The following NKD2 variants were observed in gnomAD, a reference collection of about 807,000 sequenced individuals.
NKD2 encodes the protein protein naked cuticle homolog 2.
A neutral mutation model predicts 34.8 loss-of-function variants in NKD2; 43 were observed. The ratio of observed to expected loss-of-function variants is 1.24; its 90% CI spans 0.97 to 1.60. The LOEUF (loss-of-function observed/expected upper bound fraction) is 1.60, where lower values mean the gene tolerates loss of function less well. Ranked by LOEUF, NKD2 falls within the 40% of genes most tolerant of loss-of-function variation. The pLI is 0.00. For synonymous variants in NKD2, 278 were observed against 265.1 expected, an observed-to-expected ratio of 1.05 and a Z score of -0.47; for missense variants, 675 against 627.1, an observed-to-expected ratio of 1.08 and a Z score of -0.82.
chr5:1,029,328 C>T, intron 3 of NKD2, among the ~76,000 whole-genome samples: 1 of 152,166 alleles, frequency 6.6e-6, no homozygotes, highest in East Asian at 1.9e-4. Context: ...GTAGTATTGG[C>T]TGGTTGATAC....
intron 3 of NKD2, among the ~76,000 whole-genome samples, 153 bp from the exon 4 acceptor site, chr5:1,031,999 C>T (rs995001497): frequency 7.9e-5 from 12 of 152,146 alleles, no homozygotes; most frequent in Admixed American, 4.6e-4. Context: ...GAGTGGGGCA[C>T]GAAGGGTTGG....
chr5:1,035,388 G>T lies in NKD2; in HGVS notation c.575-1G>T. The T allele has an allele frequency of 1.3e-6, 2 of 1,556,432 alleles. No individual in the cohort carries two copies. The highest frequency in any genetic ancestry group is 2.4e-5 in the South Asian group (2 of 84,314). On this transcript the variant is annotated splice_acceptor_variant, in intron 7 of 9. Coordinates refer to ENST00000296849, the MANE Select transcript of NKD2 (RefSeq NM_033120.4). LOFTEE classifies it high-confidence loss of function. Reference sequence around the variant, plus strand: ...GAGTAATGGCAGGACCCCCCTTTCAGACCGGGAGCCCACCCGTTGCAGGAT... The same window carrying T: ...GAGTAATGGCAGGACCCCCCTTTCATACCGGGAGCCCACCCGTTGCAGGAT...
At chr5:1,037,517 C>T (rs1734046331) in intron 9 of NKD2, 2 of 1,534,146 alleles carry the variant, frequency 1.3e-6, no homozygotes, top group African/African-American at 1.4e-5. Flanking sequence ...GCGCCCCAAG[C>T]AGGGTCTCAG....
intron 3 of NKD2, among the ~76,000 whole-genome samples, chr5:1,018,176 G>A (rs1199795332): frequency 6.6e-6 from 1 of 152,168 alleles, no homozygotes; most frequent in South Asian, 2.1e-4. Context: ...AAGGAGCCAC[G>A]GGCACAGCCT....
intron 4 of NKD2, among the ~76,000 whole-genome samples, chr5:1,032,732 CA>C (rs1302106055): frequency 1.3e-5 from 2 of 152,232 alleles, no homozygotes; most frequent in Non-Finnish European, 2.9e-5. Context: ...CCAAGAGAGG[CA>C]CCCACACCCC....
chr5:1,014,981 G>C (rs987779249), intron 3 of NKD2, among the ~76,000 whole-genome samples: 1 of 152,214 alleles, frequency 6.6e-6, no homozygotes, highest in African/African-American at 2.4e-5. Flanking sequence ...CTCACAGCCT[G>C]GCCACATCCC....
intron 3 of NKD2, among the ~76,000 whole-genome samples, chr5:1,027,825 C>T (rs1756482316): frequency 6.6e-6 from 1 of 152,206 alleles, no homozygotes; most frequent in African/African-American, 2.4e-5. Flanking sequence ...CACCTGTCCA[C>T]TGGGAAGAGG....
At chr5:1,031,571 C>A (rs1756646779) in intron 3 of NKD2, among the ~76,000 whole-genome samples, 2 of 151,966 alleles carry the variant, frequency 1.3e-5, no homozygotes, top group Admixed American at 1.3e-4. Flanking sequence ...GACCACAGGT[C>A]TGTCTCCTTC....
intron 5 of NKD2, 110 bp downstream of exon 5, chr5:1,033,609 T>G (rs2150747552): frequency 1.5e-6 from 2 of 1,293,650 alleles, no homozygotes; most frequent in East Asian, 5.2e-5. Context: ...CGTAGTTCAC[T>G]CAGTCTTCCC....
At chr5:1,017,434 G>A (rs80172998) in intron 3 of NKD2, among the ~76,000 whole-genome samples, 4,719 of 152,340 alleles carry the variant, frequency 0.031, 181 homozygotes, top group African/African-American at 0.094. Context: ...CATTTCAGTG[G>A]CCCTGATTTT....
At chr5:1,012,237 C>T (rs1368089050) in intron 3 of NKD2, among the ~76,000 whole-genome samples, 8 of 152,276 alleles carry the variant, frequency 5.3e-5, no homozygotes, top group Non-Finnish European at 1.0e-4. Context: ...GTGAATGGAG[C>T]ACAGGCTTCC....
rs543105454 is a variant in NKD2 at position 1,038,787 on chromosome 5, G to A, written c.*414G>A. ...AGGCTGTCCCAGTGCGAGGCCGGGAGCGAATGGAAAAGCTGAGGCTTTGCC... is the reference window on the plus strand; with the variant it reads ...AGGCTGTCCCAGTGCGAGGCCGGGAACGAATGGAAAAGCTGAGGCTTTGCC... On this transcript the variant is annotated 3_prime_UTR_variant, in exon 10 of 10. Coordinates refer to ENST00000296849, the MANE Select transcript of NKD2 (RefSeq NM_033120.4). The surrounding 1 kb of genome is among the most constrained non-coding windows in gnomAD (Gnocchi z 4.5). 4.8e-4 allele frequency: 190 copies of A among 395,908 alleles called. 1 individual carries two copies. Among genetic ancestry groups the A allele is most frequent in the African/African-American group, 3.4e-3 (169 of 49,082 alleles). The allele number at this position is 395,908 out of a possible 1,614,324, so 24.5% of individuals were successfully genotyped here. A position where few individuals can be genotyped will look rare whatever the true frequency, so the allele number is the denominator to read the frequency against.
chr5:1,013,567 G>T (rs1003187019), intron 3 of NKD2, among the ~76,000 whole-genome samples: 3 of 152,240 alleles, frequency 2.0e-5, no homozygotes, highest in African/African-American at 4.8e-5. Flanking sequence ...CCATAGGACG[G>T]GTTGGATACC....
intron 3 of NKD2, among the ~76,000 whole-genome samples, chr5:1,018,024 C>T (rs2150730721): frequency 6.6e-6 from 1 of 152,112 alleles, no homozygotes; most frequent in Admixed American, 6.5e-5. Context: ...GCGTGGCCCC[C>T]CAGAGGCTTC....
intron 3 of NKD2, among the ~76,000 whole-genome samples, chr5:1,010,295 G>A (rs560120208): frequency 3.3e-4 from 50 of 152,346 alleles, no homozygotes; most frequent in African/African-American, 1.2e-3. Flanking sequence ...ATCAGTGTCA[G>A]TGTGAACTGT....
intron 3 of NKD2, among the ~76,000 whole-genome samples, chr5:1,027,073 G>A (rs1560992273): frequency 6.6e-6 from 1 of 152,254 alleles, no homozygotes; most frequent in Non-Finnish European, 1.5e-5. Context: ...TGTCACCCCG[G>A]CCCTTCTTTC....
chr5:1,010,865 A>G (rs553475967), intron 3 of NKD2, among the ~76,000 whole-genome samples: 185 of 152,336 alleles, frequency 1.2e-3, no homozygotes, highest in African/African-American at 3.8e-3. Context: ...CCATTGGCCC[A>G]CTGGCCTGGA....
At chr5:1,034,517 A>G (rs1733729549) in intron 6 of NKD2, among the ~76,000 whole-genome samples, 187 bp downstream of exon 6, 1 of 151,956 alleles carries the variant, frequency 6.6e-6, no homozygotes, top group Admixed American at 6.5e-5. Flanking sequence ...TGCGCCGCCC[A>G]TTTCTGCGGC....
chr5:1,009,444 G>T lies in NKD2; in HGVS notation c.62-37G>T. The T allele has an allele frequency of 6.8e-7, 1 of 1,476,954 alleles. No homozygotes were observed. Among genetic ancestry groups the T allele is most frequent in the Non-Finnish European group, 9.0e-7 (1 of 1,115,078 alleles). 91.5% of individuals were successfully genotyped at this position (1,476,954 alleles called of 1,614,324 possible). A position where few individuals can be genotyped will look rare whatever the true frequency, so the allele number is the denominator to read the frequency against. On this transcript the variant is annotated intron_variant, in intron 2 of 9. Coordinates refer to ENST00000296849, the MANE Select transcript of NKD2 (RefSeq NM_033120.4). The surrounding 1 kb of genome is among the most constrained non-coding windows in gnomAD (Gnocchi z 6.9). ...TCACGGCGCGTCTCTTTCCCTCCTC[G>T]GTGCGGGTTTCCCGCGCGTCCGCCC...
Sources: gnomAD v4.1 joint callset for allele counts (sites outside exome capture counted in the v4.1 genomes callset) on GRCh38, gnomAD v4.1.1 for gene constraint, Gnocchi (gnomAD v3.1) non-coding constraint, MANE v1.5 for transcripts, NCBI Gene and HGNC (gene_info 2026-07-23, HGNC 2026-07-21) for gene names.